KCNMB2: variants seen among roughly 807,000 people sequenced by gnomAD.
KCNMB2 encodes calcium-activated potassium channel subunit beta-2.
In KCNMB2, 9 loss-of-function variants were observed where a neutral mutation model predicts 24.5. That is an observed-to-expected ratio of 0.37 (90% CI 0.22 to 0.64). The LOEUF is 0.64. KCNMB2 is among the 30% of genes least tolerant of loss of function. The probability of loss-of-function intolerance (pLI) is 0.63; values close to 1 mark genes in which losing one functional copy is unlikely to be tolerated. For missense variants in KCNMB2, 226 were observed against 284.3 expected, an observed-to-expected ratio of 0.79 and a Z score of 1.47; for synonymous variants, 109 against 104.4, an observed-to-expected ratio of 1.04 and a Z score of -0.27.
At chr3:178,694,960 G>A (rs1721821809) in intron 1 of KCNMB2, among the ~76,000 whole-genome samples, 2 of 152,246 alleles carry the variant, frequency 1.3e-5, no homozygotes, top group South Asian at 4.1e-4. Flanking sequence ...TCCAACCCCA[G>A]ATTTCCCTTC....
At chr3:178,647,702 T>G (rs1284388090) in intron 1 of KCNMB2, among the ~76,000 whole-genome samples, 5 of 152,190 alleles carry the variant, frequency 3.3e-5, no homozygotes, top group African/African-American at 1.2e-4. Flanking sequence ...CAAGGCAGTT[T>G]TATTTATTTA....
chr3:178,842,102 A>G (rs1391480302), intron 4 of KCNMB2, among the ~76,000 whole-genome samples: 1 of 152,186 alleles, frequency 6.6e-6, no homozygotes, highest in African/African-American at 2.4e-5. Context: ...CAGTAATTCA[A>G]CAGAAGTGTA....
At chr3:178,699,365 A>T (rs1470968860) in intron 1 of KCNMB2, among the ~76,000 whole-genome samples, 1 of 152,190 alleles carries the variant, frequency 6.6e-6, no homozygotes, top group Non-Finnish European at 1.5e-5. Context: ...TTGCATCCTG[A>T]TGGGCAAAGT....
At chr3:178,713,591 A>C (rs1577118575) in intron 1 of KCNMB2, among the ~76,000 whole-genome samples, 1 of 151,842 alleles carries the variant, frequency 6.6e-6, no homozygotes, top group African/African-American at 2.4e-5. Context: ...CTTGCAGTAG[A>C]CTCCTGCTCT....
chr3:178,652,750 C>T (rs1393745720), intron 1 of KCNMB2, among the ~76,000 whole-genome samples: 2 of 150,656 alleles, frequency 1.3e-5, no homozygotes, highest in Admixed American at 6.6e-5. Context: ...GCAACCTCTT[C>T]CTCCTGGGTT....
At chr3:178,800,325 C>A (rs1033939539) in intron 1 of KCNMB2, among the ~76,000 whole-genome samples, 8 of 151,988 alleles carry the variant, frequency 5.3e-5, no homozygotes, top group African/African-American at 1.9e-4. Flanking sequence ...TCAAACAAAT[C>A]TATAGGAAAA....
intron 1 of KCNMB2, among the ~76,000 whole-genome samples, chr3:178,780,203 C>T (rs1376127912): frequency 2.6e-5 from 4 of 152,116 alleles, no homozygotes; most frequent in Admixed American, 6.6e-5. Context: ...TTGAAGCAAT[C>T]CTGATAGTCT....
intron 1 of KCNMB2, among the ~76,000 whole-genome samples, chr3:178,668,855 TA>T (rs1720805729): frequency 6.6e-6 from 1 of 152,128 alleles, no homozygotes; most frequent in South Asian, 2.1e-4. Flanking sequence ...TTACTACTTT[TA>T]AAAAAATACT....
intron 1 of KCNMB2, among the ~76,000 whole-genome samples, chr3:178,738,099 T>C (rs989357697): frequency 1.1e-4 from 17 of 152,140 alleles, no homozygotes; most frequent in Non-Finnish European, 7.4e-5. Flanking sequence ...CCTTTAGTAC[T>C]AATTTCCTTT....
intron 1 of KCNMB2, among the ~76,000 whole-genome samples, chr3:178,551,087 G>A (rs1408419008): frequency 1.3e-5 from 2 of 152,136 alleles, no homozygotes; most frequent in African/African-American, 4.8e-5. Context: ...CAAGTGGTGA[G>A]GATGCAGATT....
At chr3:178,568,483 A>C (rs1273116614) in intron 1 of KCNMB2, among the ~76,000 whole-genome samples, 1 of 152,198 alleles carries the variant, frequency 6.6e-6, no homozygotes, top group Non-Finnish European at 1.5e-5. Flanking sequence ...GATATCTTGA[A>C]CACTCATAAT....
At chr3:178,695,429 C>T (rs191269056) in intron 1 of KCNMB2, among the ~76,000 whole-genome samples, 15 of 152,350 alleles carry the variant, frequency 9.8e-5, no homozygotes, top group Non-Finnish European at 1.6e-4. Context: ...TGACTTTCTC[C>T]CCCACGAAGT....
chr3:178,741,908 A>G (rs1206827669), intron 1 of KCNMB2, among the ~76,000 whole-genome samples: 1 of 152,228 alleles, frequency 6.6e-6, no homozygotes, highest in Non-Finnish European at 1.5e-5. Flanking sequence ...GAGAAATCCA[A>G]CATTAATGGG....
At position 178,751,573 on chromosome 3, in the gene KCNMB2, CAAAAAAAAAAAAAAAAA is replaced by C. The variant is rs61148761; in HGVS notation, c.-67-55754_-67-55738del. Among the ~76,000 whole-genome samples, 4 of 47,692 alleles carry C rather than the reference CAAAAAAAAAAAAAAAAA, an allele frequency of 8.4e-5. No individual in the cohort carries two copies. The East Asian group carries it at 2.9e-3, about 35-fold the overall frequency. 31.3% of individuals were successfully genotyped at this position (47,692 alleles called of 152,430 possible). The stretch of plus-strand genomic sequence containing the variant: ...CGAGCAACAGTGCGAGACTCCGTCT[CAAAAAAAAAAAAAAAAA>C]AAAAAAAAAAAAAAAGCAGTTACAA... On this transcript the variant is annotated intron_variant, in intron 1 of 4. Transcript: ENST00000452583.
Position 178,702,355 on chromosome 3 carries a change from A to T in KCNMB2, c.-67-104988A>T, listed in dbSNP as rs186059414. On this transcript the variant is annotated intron_variant, in intron 1 of 4. Coordinates refer to ENST00000452583, the MANE Select transcript of KCNMB2 (RefSeq NM_181361.3). The stretch of plus-strand genomic sequence containing the variant: ...TAAATGACAAGTTAATGGGTGCAGC[A>T]CACCAACATGGCACATGTATACATA... 3.3e-3 allele frequency among the ~76,000 whole-genome samples: 501 copies of T among 151,766 alleles called. 2 individuals carry two copies. The highest frequency in any genetic ancestry group is 0.011 in the African/African-American group (474 of 41,400).
intron 1 of KCNMB2, among the ~76,000 whole-genome samples, chr3:178,582,272 A>C (rs1717240374): frequency 6.6e-6 from 1 of 152,234 alleles, no homozygotes; most frequent in Non-Finnish European, 1.5e-5. Flanking sequence ...ACAGAAAACC[A>C]AACACCGCAT....
At position 178,655,124 on chromosome 3, in the gene KCNMB2, CTCTCTCTCTCTCTCTCTCTA is replaced by C. The variant is rs1191493055; in HGVS notation, c.-68+118419_-68+118438del. Among the ~76,000 whole-genome samples, 2 of 150,536 alleles carry C rather than the reference CTCTCTCTCTCTCTCTCTCTA, an allele frequency of 1.3e-5. 1 individual carries two copies. Among genetic ancestry groups the C allele is most frequent in the African/African-American group, 5.0e-5 (2 of 40,206 alleles). On this transcript the variant is annotated intron_variant, in intron 1 of 4. Coordinates refer to ENST00000452583, the MANE Select transcript of KCNMB2 (RefSeq NM_181361.3). ...TCTCTCTCTCTCTCTCTCTCTCTCT[CTCTCTCTCTCTCTCTCTCTA>C]TCTCTATTTCTCTGGGACTTAGTGA...
intron 4 of KCNMB2, among the ~76,000 whole-genome samples, chr3:178,834,128 T>A (rs73183386): frequency 7.9e-5 from 12 of 152,232 alleles, no homozygotes; most frequent in Admixed American, 2.0e-4. Flanking sequence ...TACCCATTTT[T>A]TGGTATATGG....
chr3:178,553,901 G>A (rs1221339297), intron 1 of KCNMB2, among the ~76,000 whole-genome samples: 2 of 152,124 alleles, frequency 1.3e-5, no homozygotes, highest in Non-Finnish European at 2.9e-5. Context: ...AAGAAGGAAT[G>A]AAGGTAAGCA....
Sources: gnomAD v4.1 joint callset for allele counts (sites outside exome capture counted in the v4.1 genomes callset) on GRCh38, gnomAD v4.1.1 for gene constraint, MANE v1.5 for transcripts, NCBI Gene and HGNC (gene_info 2026-07-23, HGNC 2026-07-21) for gene names.